MEF2C: variants seen among roughly 807,000 people sequenced by gnomAD.
MEF2C encodes the protein myocyte enhancer factor 2C, also known as myocyte-specific enhancer factor 2C.
MEF2C carries 6 observed loss-of-function variants against 50.5 expected under a neutral mutation model. The ratio of observed to expected loss-of-function variants is 0.12; its 90% CI spans 0.07 to 0.23. The LOEUF (loss-of-function observed/expected upper bound fraction) is 0.23. Ranked by LOEUF, MEF2C falls within the 10% of genes least tolerant of loss-of-function variation. MEF2C has a pLI of 1.00. For missense variants in MEF2C, 276 were observed against 605.0 expected (o/e 0.46, Z 5.70); for synonymous variants, 183 against 228.0 (o/e 0.80, Z 1.78).
chr5:88,888,034 C>T (rs1404726065), upstream of MEF2C: 1 of 152,148 alleles, frequency 6.6e-6, no homozygotes, highest in East Asian at 1.9e-4. Context: ...TTTGTCAAAT[C>T]GGGAAATGTT....
intron 1 of MEF2C, among the ~76,000 whole-genome samples, chr5:88,896,021 A>G (rs979539213): frequency 5.3e-5 from 8 of 152,148 alleles, no homozygotes; most frequent in African/African-American, 1.9e-4. Flanking sequence ...CACTTTCAGT[A>G]TGTCTCAGGT....
chr5:88,742,253 CTG>C (rs1355611232), intron 6 of MEF2C: 1 of 985,232 alleles, frequency 1.0e-6, no homozygotes, highest in African/African-American at 1.7e-5. Flanking sequence ...GCTTTCCTTT[CTG>C]TGTTATCTCC....
At chr5:88,768,701 A>G (rs1165395881) in intron 3 of MEF2C, 1 of 985,232 alleles carries the variant, frequency 1.0e-6, no homozygotes, top group Non-Finnish European at 1.2e-6. Flanking sequence ...TTCAAATGTT[A>G]GAGGGAGGAA....
chr5:88,836,415 A>G (rs529907297), intron 1 of MEF2C, among the ~76,000 whole-genome samples: 125 of 152,196 alleles, frequency 8.2e-4, no homozygotes, highest in African/African-American at 2.9e-3. Flanking sequence ...AGACATGGAA[A>G]TATGAGTTTC....
chr5:88,853,721 A>G (rs1479205885), intron 1 of MEF2C, among the ~76,000 whole-genome samples: 1 of 152,234 alleles, frequency 6.6e-6, no homozygotes, highest in Non-Finnish European at 1.5e-5. Context: ...TGAATTTATA[A>G]AAGATATAAA....
chr5:88,782,127 TTTTGA>T (rs1788406949), intron 3 of MEF2C: 2 of 974,688 alleles, frequency 2.1e-6, no homozygotes, highest in South Asian at 4.8e-5. Context: ...ATTTATAAGA[TTTTGA>T]TTTATGTTTC....
intron 3 of MEF2C, among the ~76,000 whole-genome samples, chr5:88,785,153 C>G (rs1227656878): frequency 6.6e-6 from 1 of 152,044 alleles, no homozygotes; most frequent in East Asian, 1.9e-4. Flanking sequence ...TAACAATGCT[C>G]AGACTCGTAT....
chr5:88,747,811 A>G (rs970624354), intron 6 of MEF2C, among the ~76,000 whole-genome samples: 1 of 152,162 alleles, frequency 6.6e-6, no homozygotes, highest in African/African-American at 2.4e-5. Flanking sequence ...AGTCCTCACC[A>G]TTCTTTCTAA....
chr5:88,760,989 G>A (rs1207839083), intron 4 of MEF2C, 196 bp downstream of exon 4: 23 of 1,606,162 alleles, frequency 1.4e-5, no homozygotes, highest in Non-Finnish European at 2.0e-5. Context: ...GGTACTTACA[G>A]GAATTTTATG....
At chr5:88,901,146 G>T (rs1198839191) in intron 1 of MEF2C, among the ~76,000 whole-genome samples, 1 of 151,956 alleles carries the variant, frequency 6.6e-6, no homozygotes, top group East Asian at 1.9e-4. Context: ...AAGGAGGAAT[G>T]GTAGGCAGTA....
chr5:88,869,276 TACATATATATATATATATACAC>T (rs1319044838), intron 1 of MEF2C, among the ~76,000 whole-genome samples: 2 of 101,698 alleles, frequency 2.0e-5, no homozygotes, highest in Non-Finnish European at 3.7e-5. Flanking sequence ...TATATATATA[TACATATATATATATATATACAC>T]ATATATATAT....
At chr5:88,730,751 T>C (rs1300246821) in intron 7 of MEF2C, among the ~76,000 whole-genome samples, 1 of 152,228 alleles carries the variant, frequency 6.6e-6, no homozygotes, top group Non-Finnish European at 1.5e-5. Context: ...TATTATGTGA[T>C]GTTTTTGGTT....
chr5:88,793,245 A>G (rs574355955), intron 3 of MEF2C, among the ~76,000 whole-genome samples: 135 of 152,308 alleles, frequency 8.9e-4, no homozygotes, highest in Middle Eastern at 3.4e-3. Flanking sequence ...CCAAGTAGAG[A>G]TCCAGTAAGG....
chr5:88,738,486 A>G, intron 6 of MEF2C: 1 of 865,170 alleles, frequency 1.2e-6, no homozygotes, highest in Non-Finnish European at 1.4e-6. Flanking sequence ...AAATGAGAAA[A>G]CCGAAGAAAA....
Position 88,810,330 on chromosome 5 carries a change from G to A in MEF2C, c.55-5529C>T, listed in dbSNP as rs573476758. On this transcript the variant is annotated intron_variant, in intron 2 of 10. Coordinates refer to ENST00000504921, the MANE Select transcript of MEF2C (RefSeq NM_002397.5). ...ATAAAGAAGGTAAATGATGTCTGGA[G>A]AAAAATATATATGTAAATATGCTGT... Among the ~76,000 whole-genome samples the A allele has an allele frequency of 4.6e-5, 7 of 152,092 alleles. No individual in the cohort carries two copies. In the South Asian group the frequency reaches 1.5e-3, roughly 32 times the overall value.
intron 3 of MEF2C, among the ~76,000 whole-genome samples, chr5:88,799,301 C>A (rs533563211): frequency 6.6e-6 from 1 of 151,182 alleles, no homozygotes; most frequent in East Asian, 1.9e-4. Context: ...ATCTATAAGC[C>A]CCTGACTGGG....
intron 6 of MEF2C, chr5:88,733,567 A>T (rs1174656486): frequency 9.1e-6 from 9 of 985,296 alleles, no homozygotes; most frequent in Non-Finnish European, 1.1e-5. Context: ...CTGGGAAGGC[A>T]GAGCAAAGGT....
In MEF2C at chr5:88,718,458, A is replaced by AT. The variant is rs1755239107; in HGVS notation, c.*4145dup. The AT allele has an allele frequency of 6.6e-6, 1 of 152,194 alleles. No homozygotes were observed. The highest frequency in any genetic ancestry group is 1.5e-5 in the Non-Finnish European group (1 of 68,032). The allele number at this position is 152,194 out of a possible 1,614,324, so 9.4% of individuals were successfully genotyped here. A position where few individuals can be genotyped will look rare whatever the true frequency, so the allele number is the denominator to read the frequency against. On this transcript the variant is annotated 3_prime_UTR_variant, in exon 11 of 11. Coordinates refer to ENST00000504921, the MANE Select transcript of MEF2C (RefSeq NM_002397.5). ...TATGCCGCTGTGAGCCTCTATTTGAATATTTGTTGCAAATGCTTGTATGCC... is the reference window on the plus strand; with the variant it reads ...TATGCCGCTGTGAGCCTCTATTTGAATTATTTGTTGCAAATGCTTGTATGCC...
chr5:88,799,689 C>A (rs1580897911), intron 3 of MEF2C, among the ~76,000 whole-genome samples: 1 of 152,102 alleles, frequency 6.6e-6, no homozygotes, highest in East Asian at 1.9e-4. Flanking sequence ...TATTACTGTG[C>A]AGAAAACATT....
Sources: allele counts gnomAD v4.1 joint callset (sites outside exome capture counted in the v4.1 genomes callset), GRCh38; gene constraint gnomAD v4.1.1; transcripts MANE v1.5; gene names NCBI Gene and HGNC (gene_info 2026-07-23, HGNC 2026-07-21).